BST1: variants seen among roughly 807,000 people sequenced by gnomAD.
BST1 encodes the protein ADP-ribosyl cyclase/cyclic ADP-ribose hydrolase 2.
A neutral mutation model predicts 40.6 loss-of-function variants in BST1; 49 were observed. The observed-to-expected ratio is 1.21, with a 90% confidence interval of 0.96 to 1.53. The LOEUF (loss-of-function observed/expected upper bound fraction) is 1.53, where lower values mean the gene tolerates loss of function less well. Among genes scored for constraint, BST1 ranks in the 40% most tolerant of loss-of-function variants. The pLI is 0.00. For missense variants in BST1, 423 were observed against 395.9 expected, an observed-to-expected ratio of 1.07 and a Z score of -0.58; for synonymous variants, 157 against 159.3, an observed-to-expected ratio of 0.99 and a Z score of 0.11.
At chr4:15,715,488 G>C in intron 5 of BST1, 127 bp downstream of exon 5, 1 of 1,022,940 alleles carries the variant, frequency 9.8e-7, no homozygotes, top group Non-Finnish European at 1.5e-6. Flanking sequence ...TTCAGGTAAA[G>C]CAAAACAGAT....
the BST1 span, among the ~76,000 whole-genome samples, chr4:15,750,918 C>A: frequency 6.6e-6 from 1 of 152,092 alleles, no homozygotes; most frequent in Non-Finnish European, 1.5e-5. Context: ...AGGTGGTCCA[C>A]AATGAATGGT....
intron 8 of BST1, chr4:15,730,985 C>A: frequency 3.9e-6 from 2 of 518,240 alleles, no homozygotes; most frequent in South Asian, 4.6e-5. Context: ...TGGGGCTTGC[C>A]TATGGTGCTC....
At chr4:15,736,236 C>G (rs1156680100), downstream of BST1, 12 of 789,204 alleles carry the variant, frequency 1.5e-5, no homozygotes, top group Non-Finnish European at 2.2e-5. Flanking sequence ...GAGCAATGTC[C>G]TACGCTAGGG....
the BST1 span, among the ~76,000 whole-genome samples, chr4:15,745,430 T>G: frequency 6.6e-6 from 1 of 152,360 alleles, no homozygotes; most frequent in East Asian, 1.9e-4. Context: ...TTTTCTGCTT[T>G]TTGAACAAAG....
chr4:15,747,753 T>A, the BST1 span, among the ~76,000 whole-genome samples: 2 of 152,204 alleles, frequency 1.3e-5, no homozygotes, highest in Non-Finnish European at 2.9e-5. Flanking sequence ...CACTGCAGCC[T>A]CAAATTCTTA....
At chr4:15,729,720 G>A (rs1170189991) in intron 8 of BST1, among the ~76,000 whole-genome samples, 1 of 152,124 alleles carries the variant, frequency 6.6e-6, no homozygotes, top group Non-Finnish European at 1.5e-5. Flanking sequence ...GTCTCACATT[G>A]ACAAGAAAAG....
downstream of BST1, among the ~76,000 whole-genome samples, chr4:15,734,928 A>G (rs1721502089): frequency 6.6e-6 from 1 of 152,218 alleles, no homozygotes; most frequent in Non-Finnish European, 1.5e-5. Flanking sequence ...GTGAGACTGC[A>G]GAGGAATGAA....
chr4:15,703,512 G>A (rs1719664973), intron 1 of BST1, among the ~76,000 whole-genome samples, 180 bp downstream of exon 1: 1 of 151,508 alleles, frequency 6.6e-6, no homozygotes, highest in Admixed American at 6.6e-5. Flanking sequence ...GGAGGGGGCT[G>A]TGAAGTGTGT....
In BST1 at chr4:15,703,275, G is replaced by A. The variant is rs764744464; in HGVS notation, c.131G>A (p.Arg44Gln). 11 of 1,537,766 alleles carry A rather than the reference G, an allele frequency of 7.2e-6. No individual in the cohort carries two copies. Among genetic ancestry groups the A allele is most frequent in the Middle Eastern group, 3.8e-4 (2 of 5,258 alleles). ...WRGEGTSAHL[R>Q]DIFLGRCAEY... The stretch of plus-strand genomic sequence containing the variant: ...GGGGAGGGCACCAGCGCACACTTGC[G>A]GGACATCTTCCTGGGCCGCTGCGCC... The change falls in exon 1 of 9, where the codon CGG becomes CAG. Residue 44 changes from arginine to glutamine, a missense_variant. By Grantham distance (43) the Arg-to-Gln change is conservative. Transcript: ENST00000265016.
At chr4:15,710,115 G>C (rs1720110140) in intron 3 of BST1, among the ~76,000 whole-genome samples, 1 of 151,920 alleles carries the variant, frequency 6.6e-6, no homozygotes, top group Admixed American at 6.6e-5. Flanking sequence ...TGGACTACAG[G>C]CACACACCAC....
intron 5 of BST1, 34 bp from the exon 6 acceptor site, chr4:15,715,673 A>G (rs1176660074): frequency 1.4e-6 from 2 of 1,393,270 alleles, no homozygotes; most frequent in African/African-American, 1.5e-5. Flanking sequence ...AAAAGATATC[A>G]TATTGCTTTA....
intron 2 of BST1, among the ~76,000 whole-genome samples, chr4:15,705,852 G>C (rs1719853066): frequency 1.3e-5 from 2 of 152,222 alleles, no homozygotes; most frequent in African/African-American, 4.8e-5. Flanking sequence ...AGAAATGCCT[G>C]AGACTGGGTA....
intron 7 of BST1, 90 bp downstream of exon 7, chr4:15,719,083 G>A: frequency 9.0e-7 from 1 of 1,109,974 alleles, no homozygotes; most frequent in African/African-American, 1.6e-5. Context: ...ATGGCTCTCA[G>A]CTCTGAAGGC....
At chr4:15,731,038 T>C (rs1186063432) in intron 8 of BST1, 2 of 573,834 alleles carry the variant, frequency 3.5e-6, no homozygotes, top group East Asian at 1.1e-4. Flanking sequence ...TTTCTGCCAG[T>C]TTTTCTTGAG....
chr4:15,761,586 C>CATAAAATTA, the BST1 span, among the ~76,000 whole-genome samples: 2 of 152,000 alleles, frequency 1.3e-5, no homozygotes, highest in African/African-American at 4.8e-5. Context: ...GAATGAGAAT[C>CATAAAATTA]TGGATGAAGT....
downstream of BST1, chr4:15,737,713 A>T: frequency 9.4e-7 from 1 of 1,063,782 alleles, no homozygotes; most frequent in Non-Finnish European, 1.3e-6. Flanking sequence ...CGTAGGTACC[A>T]GGTACCTTAC....
downstream of BST1, among the ~76,000 whole-genome samples, chr4:15,736,589 G>A (rs1247979485): frequency 6.6e-6 from 1 of 150,822 alleles, no homozygotes; most frequent in Non-Finnish European, 1.5e-5. Flanking sequence ...CAGCCTGGGT[G>A]ATAGAGTGAG....
At chr4:15,756,677 T>G in the BST1 span, among the ~76,000 whole-genome samples, 1 of 152,214 alleles carries the variant, frequency 6.6e-6, no homozygotes, top group South Asian at 2.1e-4. Flanking sequence ...TATTGTAACA[T>G]CTAGCAGGTA....
At chr4:15,756,343 G>A in the BST1 span, among the ~76,000 whole-genome samples, 6 of 152,208 alleles carry the variant, frequency 3.9e-5, no homozygotes, top group Admixed American at 2.0e-4. Flanking sequence ...CCTATGAAGC[G>A]CCCAGCTAGA....
Sources: gnomAD v4.1 joint callset for allele counts (sites outside exome capture counted in the v4.1 genomes callset) on GRCh38, gnomAD v4.1.1 for gene constraint, MANE v1.5 for transcripts, NCBI Gene and HGNC (gene_info 2026-07-23, HGNC 2026-07-21) for gene names.